The following MPPED2 variants were observed in gnomAD, a reference collection of about 807,000 sequenced individuals.
MPPED2 encodes the protein metallophosphoesterase MPPED2.
In MPPED2, 5 loss-of-function variants were observed where a neutral mutation model predicts 33.0. That is an observed-to-expected ratio of 0.15 (90% CI 0.08 to 0.32). The LOEUF is 0.32. Among genes scored for constraint, MPPED2 ranks in the 10% least tolerant of loss-of-function variants. MPPED2 has a pLI of 1.00. For missense variants in MPPED2, 275 were observed against 372.1 expected (o/e 0.74, Z 2.15); for synonymous variants, 136 against 141.9 (o/e 0.96, Z 0.29).
At chr11:30,469,301 G>A (rs1420723551) in intron 4 of MPPED2, among the ~76,000 whole-genome samples, 1 of 151,972 alleles carries the variant, frequency 6.6e-6, no homozygotes, top group East Asian at 1.9e-4. Context: ...ATCAAAAGTA[G>A]TATTGAATAG....
downstream of MPPED2, among the ~76,000 whole-genome samples, chr11:30,407,630 G>C (rs1215398056): frequency 6.6e-6 from 1 of 152,202 alleles, no homozygotes; most frequent in African/African-American, 2.4e-5. Flanking sequence ...CCAGAACTTT[G>C]GGAGGCCGAG....
chr11:30,486,034 C>T (rs1951729754), intron 4 of MPPED2, among the ~76,000 whole-genome samples: 2 of 152,130 alleles, frequency 1.3e-5, no homozygotes, highest in South Asian at 4.1e-4. Context: ...AAGAGGAGCA[C>T]CCAGTGGAAG....
At chr11:30,581,303 A>G (rs1443574481) in intron 1 of MPPED2, among the ~76,000 whole-genome samples, 1 of 152,166 alleles carries the variant, frequency 6.6e-6, no homozygotes, top group Non-Finnish European at 1.5e-5. Context: ...ATTCTCAGTA[A>G]TTGGTTTCAT....
intron 3 of MPPED2, among the ~76,000 whole-genome samples, chr11:30,535,308 C>A (rs565278174): frequency 6.6e-6 from 1 of 152,116 alleles, no homozygotes; most frequent in Non-Finnish European, 1.5e-5. Flanking sequence ...ATTCTAAAAT[C>A]TCAGAACATT....
At chr11:30,452,986 G>A (rs529611559) in intron 4 of MPPED2, among the ~76,000 whole-genome samples, 1 of 152,264 alleles carries the variant, frequency 6.6e-6, no homozygotes, top group Non-Finnish European at 1.5e-5. Context: ...TTGCCCAAAT[G>A]TGACTTCCTG....
intron 4 of MPPED2, chr11:30,428,980 G>C (rs370137213): frequency 1.1e-4 from 17 of 152,174 alleles, no homozygotes; most frequent in African/African-American, 4.1e-4. Context: ...TGTAGGATGT[G>C]GATACCAAAG....
chr11:30,485,006 C>A (rs1469214018), intron 4 of MPPED2, among the ~76,000 whole-genome samples: 1 of 151,906 alleles, frequency 6.6e-6, no homozygotes, highest in Non-Finnish European at 1.5e-5. Flanking sequence ...AAAATAATAG[C>A]CATTACAAAA....
chr11:30,424,358 T>C (rs1948740301), intron 4 of MPPED2, among the ~76,000 whole-genome samples: 2 of 152,208 alleles, frequency 1.3e-5, no homozygotes, highest in African/African-American at 4.8e-5. Context: ...CTTTTCTAAA[T>C]GGTAGCCCTT....
At chr11:30,473,017 A>G (rs892350107) in intron 4 of MPPED2, among the ~76,000 whole-genome samples, 9 of 152,232 alleles carry the variant, frequency 5.9e-5, no homozygotes, top group African/African-American at 1.4e-4. Context: ...AGTTATATAT[A>G]CTTATTTTTG....
intron 4 of MPPED2, among the ~76,000 whole-genome samples, chr11:30,467,635 G>A (rs758817144): frequency 3.2e-4 from 49 of 152,228 alleles, no homozygotes; most frequent in Non-Finnish European, 5.4e-4. Context: ...TTACAAGTGC[G>A]ATCTAATTCT....
chr11:30,388,855 TC>T, exon 7 of MPPED2: 1 of 1,527,582 alleles, frequency 6.5e-7, no homozygotes, highest in Non-Finnish European at 8.8e-7. Flanking sequence ...CATCAGATCA[TC>T]AATTAATTGT....
At chr11:30,438,984 C>T (rs887795085) in intron 4 of MPPED2, among the ~76,000 whole-genome samples, 48 of 152,150 alleles carry the variant, frequency 3.2e-4, no homozygotes, top group Admixed American at 6.5e-4. Context: ...TGTTAAAGTA[C>T]AAGACTCCAG....
At chr11:30,481,127 G>T (rs1022208812) in intron 4 of MPPED2, among the ~76,000 whole-genome samples, 3 of 152,034 alleles carry the variant, frequency 2.0e-5, no homozygotes, top group African/African-American at 7.2e-5. Context: ...AGAATCAAAA[G>T]AATTACATTT....
At chr11:30,495,083 A>G in intron 4 of MPPED2, 1 of 559,658 alleles carries the variant, frequency 1.8e-6, no homozygotes, top group South Asian at 2.3e-5. Context: ...GGAAAGCTTT[A>G]ACTCCTATTG....
At chr11:30,526,745 T>G (rs1954208065) in intron 3 of MPPED2, among the ~76,000 whole-genome samples, 1 of 151,404 alleles carries the variant, frequency 6.6e-6, no homozygotes, top group Admixed American at 6.6e-5. Context: ...CTTTATTAGA[T>G]ATGACTGTTA....
intron 1 of MPPED2, among the ~76,000 whole-genome samples, chr11:30,582,245 G>A (rs771855447): frequency 7.2e-5 from 11 of 151,944 alleles, no homozygotes; most frequent in South Asian, 2.1e-4. Flanking sequence ...ATTGCGTCGC[G>A]CTGAAAAGTA....
At chr11:30,423,521 A>T (rs1213036409) in intron 4 of MPPED2, among the ~76,000 whole-genome samples, 1 of 152,208 alleles carries the variant, frequency 6.6e-6, no homozygotes, top group East Asian at 1.9e-4. Flanking sequence ...TGGCTGTGCC[A>T]GTTAGCGTAA....
chr11:30,528,783 A>C (rs1445306246), intron 3 of MPPED2, among the ~76,000 whole-genome samples: 1 of 152,198 alleles, frequency 6.6e-6, no homozygotes, highest in African/African-American at 2.4e-5. Flanking sequence ...AACCCTTTAA[A>C]GGGTGAAGAT....
chr11:30,392,502 G>C (rs1947792782), intron 6 of MPPED2, among the ~76,000 whole-genome samples: 1 of 152,188 alleles, frequency 6.6e-6, no homozygotes, highest in African/African-American at 2.4e-5. Context: ...ACTTAACCTG[G>C]GAGATTTAAG....
Sources: allele counts gnomAD v4.1 joint callset (sites outside exome capture counted in the v4.1 genomes callset), GRCh38; gene constraint gnomAD v4.1.1; transcripts MANE v1.5; gene names NCBI Gene and HGNC (gene_info 2026-07-23, HGNC 2026-07-21).